Variants in LRRC27 observed in about 807,000 individuals in gnomAD.
The protein encoded by LRRC27 is leucine-rich repeat-containing protein 27.
Under a neutral mutation model 55.0 loss-of-function variants are expected in LRRC27, and 57 were observed. The observed-to-expected ratio is 1.04, with a 90% CI of 0.84 to 1.29. LRRC27 has a LOEUF of 1.29. Ranked by LOEUF, LRRC27 falls within the 50% of genes most tolerant of loss-of-function variation. LRRC27 has a pLI of 0.00. For synonymous variants in LRRC27, 278 were observed against 251.9 expected (o/e 1.10, Z -0.98); for missense variants, 721 against 651.5 (o/e 1.11, Z -1.16).
At position 132,376,444 on chromosome 10, in the gene LRRC27, G is replaced by C. The variant is rs1026908547; in HGVS notation, c.*1202G>C. Reference sequence around the variant, plus strand: ...AGAAAAGGTGTCAGTGACCTGTTGCGGCCCAGCGGCTGGAGCAGCAGACGT... The same window carrying C: ...AGAAAAGGTGTCAGTGACCTGTTGCCGCCCAGCGGCTGGAGCAGCAGACGT... On this transcript the variant is annotated 3_prime_UTR_variant, in exon 11 of 11. Coordinates refer to ENST00000368614, the MANE Select transcript of LRRC27 (RefSeq NM_030626.3). The C allele has an allele frequency of 6.6e-6, 1 of 152,408 alleles. No individual in the cohort carries two copies. Among genetic ancestry groups the C allele is most frequent in the East Asian group, 1.9e-4 (1 of 5,194 alleles). The allele number at this position is 152,408 out of a possible 1,614,324, so 9.4% of individuals were successfully genotyped here. A position where few individuals can be genotyped will look rare whatever the true frequency, so the allele number is the denominator to read the frequency against.
intron 10 of LRRC27, among the ~76,000 whole-genome samples, chr10:132,370,282 G>A (rs1019536382): frequency 6.6e-6 from 1 of 152,202 alleles, no homozygotes; most frequent in Non-Finnish European, 1.5e-5. Context: ...GGCTCCTGTC[G>A]TGTGCCCAAC....
At chr10:132,368,530 TATGAC>T (rs1380415645) in intron 10 of LRRC27, among the ~76,000 whole-genome samples, 1 of 152,216 alleles carries the variant, frequency 6.6e-6, no homozygotes, top group Non-Finnish European at 1.5e-5. Context: ...AGTTAACTGA[TATGAC>T]AGAGGAGCAA....
intron 2 of LRRC27, chr10:132,337,142 G>A (rs1408093209): frequency 3.3e-6 from 4 of 1,198,780 alleles, no homozygotes. Context: ...GAGTCCCCCA[G>A]ACCAGACATG....
intron 10 of LRRC27, among the ~76,000 whole-genome samples, chr10:132,373,466 G>A (rs1035515572): frequency 1.3e-5 from 2 of 152,192 alleles, no homozygotes; most frequent in African/African-American, 4.8e-5. Context: ...GGGAGGGCGG[G>A]GGGAGAGGAT....
At chr10:132,354,990 G>A (rs914111427) in intron 7 of LRRC27, among the ~76,000 whole-genome samples, 4 of 152,226 alleles carry the variant, frequency 2.6e-5, no homozygotes, top group South Asian at 4.1e-4. Context: ...TACTCGGGAC[G>A]TTCGCAGCCC....
rs1338294716 is a variant in LRRC27 at position 132,351,600 on chromosome 10, A to G, written c.927-7A>G. Reference sequence around the variant, plus strand: ...AACATTCAGCTAAAAACACTCTGTAATTTTAGAAGGAAGACAGCCTCCTCC... The same window carrying G: ...AACATTCAGCTAAAAACACTCTGTAGTTTTAGAAGGAAGACAGCCTCCTCC... On this transcript the variant is annotated splice_polypyrimidine_tract_variant and splice_region_variant and intron_variant, in intron 6 of 10. Coordinates refer to ENST00000368614, the MANE Select transcript of LRRC27 (RefSeq NM_030626.3). 1.9e-6 allele frequency: 3 copies of G among 1,609,716 alleles called. No individual in the cohort carries two copies. The highest frequency in any genetic ancestry group is 1.1e-5 in the South Asian group (1 of 90,850).
chr10:132,343,598 T>C (rs907185186), intron 4 of LRRC27, among the ~76,000 whole-genome samples: 1 of 152,258 alleles, frequency 6.6e-6, no homozygotes, highest in Non-Finnish European at 1.5e-5. Context: ...GCTTCTAGTT[T>C]AGTCTCTGTT....
chr10:132,330,324 A>T, upstream of LRRC27: 2 of 655,550 alleles, frequency 3.1e-6, no homozygotes, highest in South Asian at 3.2e-5. Flanking sequence ...GAAAAGAGAT[A>T]CTGGAATGCT....
chr10:132,341,973 A>G (rs1048006451), intron 3 of LRRC27, among the ~76,000 whole-genome samples: 5 of 152,226 alleles, frequency 3.3e-5, no homozygotes, highest in African/African-American at 1.2e-4. Flanking sequence ...AATACCCCGC[A>G]AAGCAGGGGA....
At chr10:132,362,668 ACACCAGC>A (rs2068683066) in intron 9 of LRRC27, among the ~76,000 whole-genome samples, 6 of 122,808 alleles carry the variant, frequency 4.9e-5, no homozygotes, top group African/African-American at 2.0e-4. Flanking sequence ...TTCTCACCTC[ACACCAGC>A]TCGGGGGGCC....
In LRRC27 at chr10:132,348,488, G is replaced by T; in HGVS notation, c.926+132G>T. ...GTTGCCACCGTTTACTGTGCAGTGA[G>T]TGCCGGTCCCAGGTTTAGGGTAACG... On this transcript the variant is annotated intron_variant, in intron 6 of 10. Transcript: ENST00000368614. The surrounding 1 kb of genome is among the most constrained non-coding windows in gnomAD (Gnocchi z 4.2). The T allele has an allele frequency of 8.0e-7, 1 of 1,251,924 alleles. No individual in the cohort carries two copies. The highest frequency in any genetic ancestry group is 2.4e-5 in the East Asian group (1 of 41,382). The allele number at this position is 1,251,924 out of a possible 1,614,324, so 77.6% of individuals were successfully genotyped here.
intron 2 of LRRC27, among the ~76,000 whole-genome samples, chr10:132,335,445 C>G (rs772364542): frequency 6.6e-6 from 1 of 150,872 alleles, no homozygotes; most frequent in Non-Finnish European, 1.5e-5. Context: ...GCACAGGTTC[C>G]TCCCCCAGAT....
At position 132,380,296 on chromosome 10, in the gene LRRC27, CAA is replaced by C. The variant is rs57657423; in HGVS notation, c.*5066_*5067del. 1.3e-3 allele frequency among the ~76,000 whole-genome samples: 179 copies of C among 142,428 alleles called. No individual in the cohort carries two copies. Among genetic ancestry groups the C allele is most frequent in the African/African-American group, 3.8e-3 (151 of 39,660 alleles). 93.4% of individuals were successfully genotyped at this position (142,428 alleles called of 152,430 possible). A position where few individuals can be genotyped will look rare whatever the true frequency, so the allele number is the denominator to read the frequency against. On this transcript the variant is annotated 3_prime_UTR_variant, in exon 11 of 11. Coordinates refer to ENST00000368614, the MANE Select transcript of LRRC27 (RefSeq NM_030626.3). The stretch of plus-strand genomic sequence containing the variant: ...GGGCAACAAGAGCAAAACTCTGTCT[CAA>C]AAAAAAAAAAATGCAGCATTAAATT...
At position 132,337,558 on chromosome 10, in the gene LRRC27, A is replaced by T. The variant is rs758018613; in HGVS notation, c.211-7A>T. On this transcript the variant is annotated splice_polypyrimidine_tract_variant and splice_region_variant and intron_variant, in intron 2 of 10. Transcript: ENST00000368614. ...AAAACATTCTCTGATTCTCTTTTCC[A>T]TGGAAGCAATTGCATCTGCAAAGGA... The T allele has an allele frequency of 6.2e-7, 1 of 1,610,870 alleles. No individual in the cohort carries two copies. The highest frequency in any genetic ancestry group is 8.5e-7 in the Non-Finnish European group (1 of 1,178,792).
intron 10 of LRRC27, among the ~76,000 whole-genome samples, chr10:132,367,278 G>A (rs990785128): frequency 6.6e-6 from 1 of 152,114 alleles, no homozygotes; most frequent in African/African-American, 2.4e-5. Flanking sequence ...GAAATCACAG[G>A]CCCAGAAGTG....
intron 7 of LRRC27, chr10:132,353,051 C>T (rs2068137965): frequency 1.9e-6 from 3 of 1,554,642 alleles, no homozygotes; most frequent in African/African-American, 1.4e-5. Flanking sequence ...CACTGACCAC[C>T]TGGCTTCACC....
chr10:132,371,339 G>C (rs2069211303), intron 10 of LRRC27, among the ~76,000 whole-genome samples: 1 of 152,238 alleles, frequency 6.6e-6, no homozygotes, highest in Admixed American at 6.5e-5. Context: ...TGTGATTAGA[G>C]GACCAGGGTG....
chr10:132,347,723 T>C (rs2067787468), intron 5 of LRRC27, among the ~76,000 whole-genome samples: 1 of 152,022 alleles, frequency 6.6e-6, no homozygotes, highest in Non-Finnish European at 1.5e-5. Context: ...TGGTGGGGCC[T>C]GTGTGGGAGA....
chr10:132,366,896 A>G (rs1181444036), intron 10 of LRRC27: 2 of 1,285,978 alleles, frequency 1.6e-6, no homozygotes, highest in Non-Finnish European at 2.0e-6. Context: ...GAGCCACTTC[A>G]TGGAGACCCC....
Sources: gnomAD v4.1 joint callset for allele counts (sites outside exome capture counted in the v4.1 genomes callset) on GRCh38, gnomAD v4.1.1 for gene constraint, Gnocchi (gnomAD v3.1) non-coding constraint, MANE v1.5 for transcripts, NCBI Gene and HGNC (gene_info 2026-07-23, HGNC 2026-07-21) for gene names.